Variants in GRK5 observed in about 807,000 individuals in gnomAD.
GRK5 encodes G protein-coupled receptor kinase 5, also known as g protein-coupled receptor kinase GRK5.
Under a neutral mutation model 78.4 loss-of-function variants are expected in GRK5, and 40 were observed. The ratio of observed to expected loss-of-function variants is 0.51; its 90% confidence interval spans 0.40 to 0.66. The LOEUF (loss-of-function observed/expected upper bound fraction) is 0.66. Ranked by LOEUF, GRK5 falls within the 30% of genes least tolerant of loss-of-function variation. The probability of loss-of-function intolerance (pLI) is 0.00; values close to 1 mark genes in which losing one functional copy is unlikely to be tolerated. For missense variants in GRK5, 598 were observed against 759.9 expected (o/e 0.79, Z 2.50); for synonymous variants, 289 against 296.8 (o/e 0.97, Z 0.27).
chr10:119,448,492 C>G (rs961538908), intron 13 of GRK5, among the ~76,000 whole-genome samples: 2 of 152,378 alleles, frequency 1.3e-5, no homozygotes, highest in Middle Eastern at 3.4e-3. Context: ...GACTTGGGCA[C>G]TTTCCCAGGT....
At chr10:119,234,325 G>A (rs776939301) in intron 1 of GRK5, among the ~76,000 whole-genome samples, 2 of 152,250 alleles carry the variant, frequency 1.3e-5, no homozygotes, top group African/African-American at 2.4e-5. Flanking sequence ...CGTTCCTCAC[G>A]TTGGTGTTGA....
intron 1 of GRK5, among the ~76,000 whole-genome samples, chr10:119,299,872 T>C (rs1850146027): frequency 6.6e-6 from 1 of 152,044 alleles, no homozygotes; most frequent in Admixed American, 6.6e-5. Context: ...TGCAGGTTTG[T>C]TACATATGTA....
chr10:119,421,930 C>T (rs1050988793), intron 4 of GRK5, among the ~76,000 whole-genome samples: 2 of 152,208 alleles, frequency 1.3e-5, no homozygotes, highest in Admixed American at 6.5e-5. Context: ...GCTGCTGCCT[C>T]GGGCGTCCCC....
chr10:119,459,515 T>C lies in GRK5; in HGVS notation c.*4448T>C, dbSNP rs1416292976. The C allele has an allele frequency of 6.6e-6, 1 of 152,228 alleles. No individual in the cohort carries two copies. The allele number at this position is 152,228 out of a possible 1,614,324, so 9.4% of individuals were successfully genotyped here. A position where few individuals can be genotyped will look rare whatever the true frequency, so the allele number is the denominator to read the frequency against. ...AGAGTTTAGTGGCTTTTGGTGTTGT[T>C]AAAATAATAAGAATCCTTCTAGCAT... On this transcript the variant is annotated 3_prime_UTR_variant, in exon 16 of 16. Transcript: ENST00000392870.
At chr10:119,439,896 G>C (rs563120080) in intron 10 of GRK5, 128 bp downstream of exon 10, 1 of 782,604 alleles carries the variant, frequency 1.3e-6, no homozygotes, top group Admixed American at 2.1e-5. Flanking sequence ...CTCAGTGCTG[G>C]GTACCTGGGG....
intron 3 of GRK5, 117 bp downstream of exon 3, chr10:119,381,044 A>G: frequency 1.6e-6 from 1 of 639,218 alleles, no homozygotes; most frequent in East Asian, 2.7e-5. Context: ...CTCACTGCTT[A>G]CAAAACTCCC....
In GRK5 at chr10:119,276,062, C is replaced by T. The variant is rs571316756; in HGVS notation, c.53-50454C>T. The stretch of plus-strand genomic sequence containing the variant: ...AGTTTCATACCTCAGAGCTGGGATA[C>T]GCTGGGTTTTGATTGTAAAGGCATG... On this transcript the variant is annotated intron_variant, in intron 1 of 15. Transcript: ENST00000392870. Among the ~76,000 whole-genome samples the T allele has an allele frequency of 5.6e-4, 85 of 152,218 alleles. 1 individual carries two copies. Among genetic ancestry groups the T allele is most frequent in the East Asian group, 3.9e-4 (2 of 5,182 alleles).
At chr10:119,239,453 C>G (rs1039375408) in intron 1 of GRK5, among the ~76,000 whole-genome samples, 2 of 152,102 alleles carry the variant, frequency 1.3e-5, no homozygotes, top group African/African-American at 4.8e-5. Flanking sequence ...CCAGGCTGGT[C>G]TCAAACTCCT....
chr10:119,414,461 C>T lies in GRK5; in HGVS notation c.340-8705C>T, dbSNP rs1042370596. ...AAACACACAGAGTCCACCGCACCTC[C>T]TTATCCAGCCCCCATGGGCCTCCAG... On this transcript the variant is annotated intron_variant, in intron 4 of 15. Transcript: ENST00000392870. 5.3e-5 allele frequency among the ~76,000 whole-genome samples: 8 copies of T among 152,212 alleles called. No homozygotes were observed. The East Asian group carries it at 1.3e-3, about 26-fold the overall frequency.
intron 1 of GRK5, among the ~76,000 whole-genome samples, chr10:119,295,515 C>T (rs1346546107): frequency 6.6e-6 from 1 of 152,098 alleles, no homozygotes; most frequent in Non-Finnish European, 1.5e-5. Flanking sequence ...GATAGTTGCA[C>T]ACGCATATTT....
At chr10:119,366,474 G>A (rs189931422) in intron 2 of GRK5, among the ~76,000 whole-genome samples, 2 of 152,324 alleles carry the variant, frequency 1.3e-5, no homozygotes, top group East Asian at 3.9e-4. Context: ...ATGTGGTGCA[G>A]CTCACAGAAC....
At chr10:119,275,241 G>T (rs1391259040) in intron 1 of GRK5, among the ~76,000 whole-genome samples, 1 of 152,172 alleles carries the variant, frequency 6.6e-6, no homozygotes, top group Non-Finnish European at 1.5e-5. Context: ...AAAGTGTCAG[G>T]GCACATGGTT....
At chr10:119,244,687 T>G (rs1270922144) in intron 1 of GRK5, among the ~76,000 whole-genome samples, 2 of 152,162 alleles carry the variant, frequency 1.3e-5, no homozygotes, top group Non-Finnish European at 2.9e-5. Context: ...TGAGCTGTGA[T>G]TGCAATACTG....
chr10:119,446,706 C>T (rs1045451155), intron 12 of GRK5, among the ~76,000 whole-genome samples: 1 of 152,268 alleles, frequency 6.6e-6, no homozygotes, highest in African/African-American at 2.4e-5. Flanking sequence ...AGGGGCAACA[C>T]TGAGCGACTG....
chr10:119,333,995 T>A, intron 2 of GRK5: 2 of 382,736 alleles, frequency 5.2e-6, no homozygotes, highest in Non-Finnish European at 1.0e-5. Flanking sequence ...GACCACAGGC[T>A]CTCCATCTGG....
Position 119,218,074 on chromosome 10 carries a change from T to TTGTGTGTGTGTGTGTG in GRK5, c.52+10119_52+10134dup, listed in dbSNP as rs59742803. 2.1e-3 allele frequency among the ~76,000 whole-genome samples: 310 copies of TTGTGTGTGTGTGTGTG among 146,582 alleles called. 4 individuals are homozygous for TTGTGTGTGTGTGTGTG. The highest frequency in any genetic ancestry group is 9.1e-3 in the East Asian group (45 of 4,926). On this transcript the variant is annotated intron_variant, in intron 1 of 15. Coordinates refer to ENST00000392870, the MANE Select transcript of GRK5 (RefSeq NM_005308.3). ...GCATTTAGAAACCATGTCAACCCGT[T>TTGTGTGTGTGTGTGTG]TGTGTGTGTGTGTGTGTGTGTGTGT...
chr10:119,225,665 T>TCG (rs1848722617), intron 1 of GRK5, among the ~76,000 whole-genome samples: 1 of 108,070 alleles, frequency 9.3e-6, no homozygotes. Flanking sequence ...TTCTTCTCTC[T>TCG]CTCTCTTTTT....
intron 1 of GRK5, among the ~76,000 whole-genome samples, chr10:119,304,977 C>A (rs1440353848): frequency 6.6e-6 from 1 of 152,082 alleles, no homozygotes; most frequent in African/African-American, 2.4e-5. Context: ...TCTCTCCCTT[C>A]CCTCTCTCCT....
rs916996684 is a variant in GRK5 at position 119,417,818 on chromosome 10, G to A, written c.340-5348G>A. The stretch of plus-strand genomic sequence containing the variant: ...CCCTAGGCGTACTTCATCCGTTTCG[G>A]TGGGGGGTCTGCCCTACTTATGTTC... On this transcript the variant is annotated intron_variant, in intron 4 of 15. Transcript: ENST00000392870. 3.3e-5 allele frequency among the ~76,000 whole-genome samples: 5 copies of A among 152,308 alleles called. No individual in the cohort carries two copies. The East Asian group carries it at 9.7e-4, about 29-fold the overall frequency.
Sources: allele counts gnomAD v4.1 joint callset (sites outside exome capture counted in the v4.1 genomes callset), GRCh38; gene constraint gnomAD v4.1.1; transcripts MANE v1.5; gene names NCBI Gene and HGNC (gene_info 2026-07-23, HGNC 2026-07-21).